Variants in CNOT10 observed in about 807,000 individuals in gnomAD.
The protein encoded by CNOT10 is CCR4-NOT transcription complex, subunit 10.
CNOT10 carries 30 observed loss-of-function variants against 94.6 expected under a neutral mutation model. That is an observed-to-expected ratio of 0.32 (90% CI 0.24 to 0.43). The LOEUF (loss-of-function observed/expected upper bound fraction) is 0.43. Ranked by LOEUF, CNOT10 falls within the 20% of genes least tolerant of loss-of-function variation. The pLI, the probability that CNOT10 is intolerant of heterozygous loss-of-function variation, is 1.00. For synonymous variants in CNOT10, 289 were observed against 301.6 expected (o/e 0.96, Z 0.43); for missense variants, 759 against 877.2 (o/e 0.87, Z 1.70).
At position 32,713,442 on chromosome 3, in the gene CNOT10, T is replaced by G. The variant is rs1697976513; in HGVS notation, c.573+73T>G. ...CTCTCTACTTGTTGGTTTACTGGATTAAAAAGAAAGCAATTAAAATATGAT... is the reference window on the plus strand; with the variant it reads ...CTCTCTACTTGTTGGTTTACTGGATGAAAAAGAAAGCAATTAAAATATGAT... On this transcript the variant is annotated intron_variant, in intron 5 of 18. Transcript: ENST00000328834. The G allele has an allele frequency of 5.7e-6, 7 of 1,224,758 alleles. No homozygotes were observed. The East Asian group carries it at 1.8e-4, about 31-fold the overall frequency. 75.9% of individuals were successfully genotyped at this position (1,224,758 alleles called of 1,614,324 possible).
At chr3:32,727,059 C>A (rs1309905446) in intron 9 of CNOT10, among the ~76,000 whole-genome samples, 1 of 151,904 alleles carries the variant, frequency 6.6e-6, no homozygotes, top group Admixed American at 6.6e-5. Flanking sequence ...TTTGGCCAGT[C>A]TGGTTTTGAA....
chr3:32,704,989 T>C lies in CNOT10; in HGVS notation c.279+17T>C, dbSNP rs1427594457. On this transcript the variant is annotated intron_variant, in intron 3 of 18. Coordinates refer to ENST00000328834, the MANE Select transcript of CNOT10 (RefSeq NM_015442.3). The stretch of plus-strand genomic sequence containing the variant: ...AAGAATCAGGTGATACATAAATGAA[T>C]TTAACTATAAAAAATATTGTTCTGT... The C allele has an allele frequency of 2.1e-6, 3 of 1,445,236 alleles. No homozygotes were observed. Among genetic ancestry groups the C allele is most frequent in the Non-Finnish European group, 2.8e-6 (3 of 1,087,016 alleles). The allele number at this position is 1,445,236 out of a possible 1,614,324, so 89.5% of individuals were successfully genotyped here.
chr3:32,685,353 C>A lies in CNOT10; in HGVS notation c.-108C>A. 2 of 1,350,536 alleles carry A rather than the reference C, an allele frequency of 1.5e-6. No homozygotes were observed. The highest frequency in any genetic ancestry group is 2.1e-6 in the Non-Finnish European group (2 of 970,928). 83.7% of individuals were successfully genotyped at this position (1,350,536 alleles called of 1,614,324 possible). A position where few individuals can be genotyped will look rare whatever the true frequency, so the allele number is the denominator to read the frequency against. ...CTAGCCGGAACCTGGGGGCCCGGAG[C>A]CGGGGTAGGCACAGAGTTGTCCTCG... On this transcript the variant is annotated 5_prime_UTR_variant, in exon 1 of 19. Coordinates refer to ENST00000328834, the MANE Select transcript of CNOT10 (RefSeq NM_015442.3).
chr3:32,753,577 G>GAGGAGC, intron 13 of CNOT10: 1 of 1,586,758 alleles, frequency 6.3e-7, no homozygotes, highest in Non-Finnish European at 8.6e-7. Flanking sequence ...GGAAAAGCTA[G>GAGGAGC]AGGAGCAAGG....
chr3:32,690,534 A>C (rs777890223), intron 1 of CNOT10, among the ~76,000 whole-genome samples: 3 of 150,696 alleles, frequency 2.0e-5, no homozygotes, highest in Admixed American at 6.6e-5. Context: ...ACGGGTGTGT[A>C]CTACTGTATC....
intron 4 of CNOT10, among the ~76,000 whole-genome samples, chr3:32,712,851 A>T (rs1304171460): frequency 6.6e-6 from 1 of 152,188 alleles, no homozygotes; most frequent in African/African-American, 2.4e-5. Flanking sequence ...AAACAAAAAA[A>T]GTTTTGGATT....
chr3:32,766,764 G>A (rs964251858), intron 17 of CNOT10, among the ~76,000 whole-genome samples: 1 of 152,096 alleles, frequency 6.6e-6, no homozygotes, highest in African/African-American at 2.4e-5. Context: ...CCACTGAAAT[G>A]GTGCATCATG....
intron 1 of CNOT10, among the ~76,000 whole-genome samples, chr3:32,702,545 G>C (rs1346280542): frequency 2.0e-5 from 3 of 152,112 alleles, no homozygotes; most frequent in African/African-American, 7.2e-5. Flanking sequence ...TAATATTTTG[G>C]ATTTCTGAGC....
chr3:32,762,613 G>A, intron 14 of CNOT10, 120 bp from the exon 15 acceptor site: 1 of 1,023,326 alleles, frequency 9.8e-7, no homozygotes, highest in Non-Finnish European at 1.4e-6. Context: ...TTCAATTTAA[G>A]GACATGAAAT....
intron 10 of CNOT10, among the ~76,000 whole-genome samples, chr3:32,732,262 C>T (rs945510393): frequency 1.1e-4 from 17 of 151,424 alleles, no homozygotes; most frequent in African/African-American, 3.4e-4. Context: ...TGGTGACAGG[C>T]GCCTGTAATC....
intron 18 of CNOT10, 76 bp downstream of exon 18, chr3:32,770,038 C>A: frequency 1.8e-6 from 2 of 1,126,740 alleles, no homozygotes; most frequent in Non-Finnish European, 2.7e-6. Flanking sequence ...CAGGGTCTCA[C>A]TGTGTTGCCC....
In CNOT10 at chr3:32,769,897, T is replaced by G; in HGVS notation, c.2015T>G (p.Met672Arg). 6.2e-7 allele frequency: 1 copy of G among 1,613,944 alleles called. No individual in the cohort carries two copies. Among genetic ancestry groups the G allele is most frequent in the Non-Finnish European group, 8.5e-7 (1 of 1,179,852 alleles). Residue 672 changes from methionine (M) to arginine (R), a missense_variant, in exon 18 of 19, where the codon ATG becomes AGG. Met to Arg is a moderately conservative substitution (Grantham distance 91). Coordinates refer to ENST00000328834, the MANE Select transcript of CNOT10 (RefSeq NM_015442.3). Reference protein sequence around the residue: ...ARKCLHQAASMIHPKEVPPEA... With the variant: ...ARKCLHQAASRIHPKEVPPEA... ...CTGTTTTGAGCAAAGGCGGCTTCAA[T>G]GATCCATCCTAAAGAGGTGCCCCCT...
At chr3:32,759,131 G>T (rs200271036) in intron 13 of CNOT10, among the ~76,000 whole-genome samples, 343 of 4,800 alleles carry the variant, frequency 0.071, 1 homozygote, top group Non-Finnish European at 0.11. Context: ...TATATATATA[G>T]TGTGTGTGTG....
rs764747737 is a variant in CNOT10 at position 32,704,923 on chromosome 3, A to G, written c.230A>G (p.Gln77Arg). The change falls in exon 3 of 19, where the codon CAA (glutamine) becomes CGA (arginine). Residue 77 changes from glutamine to arginine, a missense_variant. Gln to Arg is a conservative substitution (Grantham distance 43, BLOSUM62 1). Coordinates refer to ENST00000328834, the MANE Select transcript of CNOT10 (RefSeq NM_015442.3). ...GTAGCTGAGTTTTTTAAAAGTAACC[A>G]AACAACAACAGATAATTTGAGACAA... is the stretch of plus-strand genomic sequence containing the variant. ...TAVAEFFKSNQTTTDNLRQTL... is the reference protein window; with the variant it reads ...TAVAEFFKSNRTTTDNLRQTL... The G allele has an allele frequency of 1.9e-6, 3 of 1,561,252 alleles. No homozygotes were observed. The highest frequency in any genetic ancestry group is 2.8e-5 in the African/African-American group (2 of 71,006).
At chr3:32,732,401 C>A (rs997869723) in intron 10 of CNOT10, among the ~76,000 whole-genome samples, 1 of 151,744 alleles carries the variant, frequency 6.6e-6, no homozygotes, top group African/African-American at 2.4e-5. Flanking sequence ...CTTGGCAAAA[C>A]CCTGTCTCTA....
At position 32,703,852 on chromosome 3, in the gene CNOT10, A is replaced by G; in HGVS notation, c.23-16A>G. The G allele has an allele frequency of 6.3e-7, 1 of 1,592,120 alleles. No homozygotes were observed. The highest frequency in any genetic ancestry group is 8.6e-7 in the Non-Finnish European group (1 of 1,160,872). On this transcript the variant is annotated splice_polypyrimidine_tract_variant and intron_variant, in intron 1 of 18. Coordinates refer to ENST00000328834, the MANE Select transcript of CNOT10 (RefSeq NM_015442.3). Reference sequence around the variant, plus strand: ...ACTTTTATTTCTAAAGAACTGTAAAATTTGTGTGTTTGCAGATCAGGGAGC... The same window carrying G: ...ACTTTTATTTCTAAAGAACTGTAAAGTTTGTGTGTTTGCAGATCAGGGAGC...
chr3:32,715,227 A>G (rs1039946439), intron 5 of CNOT10, among the ~76,000 whole-genome samples: 8 of 152,310 alleles, frequency 5.3e-5, no homozygotes, highest in Middle Eastern at 3.4e-3. Flanking sequence ...CTGGTCATGG[A>G]CAAGGAGGAA....
chr3:32,732,155 C>T (rs1019669495), intron 10 of CNOT10, among the ~76,000 whole-genome samples: 1 of 152,002 alleles, frequency 6.6e-6, no homozygotes, highest in Non-Finnish European at 1.5e-5. Context: ...CTTTGGGAGG[C>T]CGAGGCGGGC....
At chr3:32,720,536 C>G (rs1033845465) in intron 8 of CNOT10, among the ~76,000 whole-genome samples, 1 of 149,306 alleles carries the variant, frequency 6.7e-6, no homozygotes, top group Non-Finnish European at 1.5e-5. Flanking sequence ...GAAATAGGGT[C>G]TTGCTGAGTG....
Sources: allele counts gnomAD v4.1 joint callset (sites outside exome capture counted in the v4.1 genomes callset), GRCh38; gene constraint gnomAD v4.1.1; transcripts MANE v1.5; gene names NCBI Gene and HGNC (gene_info 2026-07-23, HGNC 2026-07-21).